FHL1: variants seen among roughly 807,000 people sequenced by gnomAD.
FHL1 encodes four and a half LIM domains 1.
Under a neutral mutation model 20.3 loss-of-function variants are expected in FHL1, and 1 was observed. The ratio of observed to expected loss-of-function variants is 0.05; its 90% CI spans 0.02 to 0.23. The LOEUF (loss-of-function observed/expected upper bound fraction) is 0.23, where lower values mean the gene tolerates loss of function less well. Among genes scored for constraint, FHL1 ranks in the 10% least tolerant of loss-of-function variants. The pLI, the probability that FHL1 is intolerant of heterozygous loss-of-function variation, is 1.00. For synonymous variants in FHL1, 82 were observed against 88.9 expected, an observed-to-expected ratio of 0.92 and a Z score of 0.44; for missense variants, 177 against 234.0, an observed-to-expected ratio of 0.76 and a Z score of 1.59.
At chrX:136,209,844 T>C (rs1423452866) in intron 5 of FHL1, 27 bp from the exon 6 acceptor site, 1 of 1,200,500 alleles carries the variant, frequency 8.3e-7, no homozygotes, top group Non-Finnish European at 1.1e-6. Context: ...TCTTGTTTTC[T>C]TTTCTTTTCT....
chrX:136,200,185 C>CT (rs1003014106), intron 1 of FHL1, among the ~76,000 whole-genome samples: 6 of 111,712 alleles, frequency 5.4e-5, no homozygotes, highest in Non-Finnish European at 1.1e-4. Context: ...GAATAAATGT[C>CT]TAAAATTTTA....
intron 1 of FHL1, chrX:136,169,890 T>G (rs1303818727): frequency 3.0e-6 from 1 of 329,629 alleles, no homozygotes; most frequent in Admixed American, 3.1e-5. Context: ...TGATTCTCAT[T>G]TTTTTCCCTA....
chrX:136,167,587 A>T (rs1198994794), upstream of FHL1, among the ~76,000 whole-genome samples: 5 of 111,164 alleles, frequency 4.5e-5, no homozygotes, highest in African/African-American at 1.6e-4. Flanking sequence ...ACCAGTCCAG[A>T]TTCATATGAT....
chrX:136,210,323 A>G lies in FHL1; in HGVS notation c.*298A>G. 2.3e-6 allele frequency: 1 copy of G among 430,279 alleles called. No individual in the cohort carries two copies. Among genetic ancestry groups the G allele is most frequent in the Non-Finnish European group, 4.3e-6 (1 of 234,154 alleles). 35.5% of individuals were successfully genotyped at this position (430,279 alleles called of 1,213,427 possible). A position where few individuals can be genotyped will look rare whatever the true frequency, so the allele number is the denominator to read the frequency against. On this transcript the variant is annotated 3_prime_UTR_variant, in exon 6 of 6. Transcript: ENST00000370683. ...CTCATAGAGCAGAAAAGTGCTAATC[A>G]TTTAGCCACTTAGTGATGTAAGCAA...
chrX:136,165,855 A>G (rs1399740383), upstream of FHL1, among the ~76,000 whole-genome samples: 1 of 112,106 alleles, frequency 8.9e-6, no homozygotes, highest in Non-Finnish European at 1.9e-5. Flanking sequence ...GTTAAATGTC[A>G]CTAAAAAGTA....
At chrX:136,188,071 C>A (rs976758070) in intron 2 of FHL1, among the ~76,000 whole-genome samples, 1 of 111,759 alleles carries the variant, frequency 8.9e-6, no homozygotes, top group African/African-American at 3.3e-5. Flanking sequence ...AAAGTTTTCA[C>A]CTAAGAAATG....
At chrX:136,147,394 C>G (rs2072123973), upstream of FHL1, 1 of 101,570 alleles carries the variant, frequency 9.8e-6, no homozygotes, top group African/African-American at 3.5e-5. Flanking sequence ...CCCGCGCGCG[C>G]CCCGCCCCGC....
rs2073945075 is a variant in FHL1 at position 136,209,417 on chromosome X, G to A, written c.737-454G>A. ...GTGGTGGTTCTTTATAGAAAAAATC[G>A]AAGCTTAGCAGCTCCTCGAGGCCCG... On this transcript the variant is annotated intron_variant, in intron 5 of 5. Transcript: ENST00000370683. 6 of 1,210,874 alleles carry A rather than the reference G, an allele frequency of 5.0e-6. No individual in the cohort carries two copies. The highest frequency in any genetic ancestry group is 3.0e-5 in the East Asian group (1 of 33,810).
intron 5 of FHL1, chrX:136,209,562 A>G (rs1433231531): frequency 2.6e-5 from 19 of 735,700 alleles, no homozygotes; most frequent in African/African-American, 8.6e-5. Flanking sequence ...TCACAGGGCA[A>G]TAGCGTGGTG....
chrX:136,177,305 G>A (rs1294816663), intron 2 of FHL1, among the ~76,000 whole-genome samples: 1 of 111,316 alleles, frequency 9.0e-6, no homozygotes, highest in Admixed American at 9.6e-5. Flanking sequence ...ATAAAGATTG[G>A]GTTTGACCAG....
intron 1 of FHL1, among the ~76,000 whole-genome samples, chrX:136,151,894 G>C (rs949432273): frequency 8.9e-6 from 1 of 111,817 alleles, no homozygotes; most frequent in Non-Finnish European, 1.9e-5. Context: ...CTTGCCTGGA[G>C]CCTCACAGCT....
Position 136,210,039 on chromosome X carries a change from C to G in FHL1, c.*14C>G. Reference sequence around the variant, plus strand: ...AAAAAGCTGTAAACTGACAGGGGCTCCTGTCCTGTAAAATGGCATTTGAAT... The same window carrying G: ...AAAAAGCTGTAAACTGACAGGGGCTGCTGTCCTGTAAAATGGCATTTGAAT... On this transcript the variant is annotated 3_prime_UTR_variant, in exon 6 of 6. Transcript: ENST00000370683. The G allele has an allele frequency of 8.3e-7, 1 of 1,211,005 alleles. No individual in the cohort carries two copies. The highest frequency in any genetic ancestry group is 1.8e-5 in the South Asian group (1 of 56,938).
chrX:136,206,971 C>G, intron 2 of FHL1, 45 bp from the exon 3 acceptor site: 1 of 1,197,853 alleles, frequency 8.3e-7, no homozygotes, highest in Non-Finnish European at 1.1e-6. Context: ...TGCCACCACC[C>G]CCAGCACCCC....
At chrX:136,174,312 G>A (rs1022164077) in intron 2 of FHL1, among the ~76,000 whole-genome samples, 1 of 111,918 alleles carries the variant, frequency 8.9e-6, no homozygotes, top group Non-Finnish European at 1.9e-5. Flanking sequence ...GATGGTACCT[G>A]ATTAAGAAAA....
At chrX:136,170,290 C>G (rs2072827770) in intron 2 of FHL1, among the ~76,000 whole-genome samples, 2 of 111,684 alleles carry the variant, frequency 1.8e-5, no homozygotes, top group South Asian at 7.5e-4. Context: ...CAGTAGGGAG[C>G]AGGAAAGCTG....
intron 1 of FHL1, among the ~76,000 whole-genome samples, chrX:136,149,254 CTCCCGA>C (rs1171238062): frequency 8.9e-6 from 1 of 112,170 alleles, no homozygotes; most frequent in East Asian, 2.8e-4. Context: ...GAACCGGGCC[CTCCCGA>C]TCCTTACACT....
chrX:136,157,656 C>T (rs1446648779), intron 1 of FHL1, among the ~76,000 whole-genome samples: 3 of 110,879 alleles, frequency 2.7e-5, no homozygotes, highest in South Asian at 3.9e-4. Flanking sequence ...CCAGATATCC[C>T]GTTATGCTTT....
At chrX:136,195,442 C>G (rs751233588), upstream of FHL1, among the ~76,000 whole-genome samples, 5 of 112,430 alleles carry the variant, frequency 4.4e-5, no homozygotes, top group Non-Finnish European at 9.4e-5. Context: ...GGTGTTGTTA[C>G]AACTGGCTAA....
At chrX:136,161,461 T>A (rs1247179200) in intron 1 of FHL1, among the ~76,000 whole-genome samples, 1 of 112,185 alleles carries the variant, frequency 8.9e-6, no homozygotes, top group Admixed American at 9.5e-5. Context: ...AGACTTAGGG[T>A]ATTTTGTAAA....
Sources: allele counts gnomAD v4.1 joint callset (sites outside exome capture counted in the v4.1 genomes callset), GRCh38; gene constraint gnomAD v4.1.1; transcripts MANE v1.5; gene names NCBI Gene and HGNC (gene_info 2026-07-23, HGNC 2026-07-21).